PDZD2: variants seen among roughly 807,000 people sequenced by gnomAD.
The protein encoded by PDZD2 is PDZ domain containing 2.
PDZD2 carries 90 observed loss-of-function variants against 220.7 expected under a neutral mutation model. That is an observed-to-expected ratio of 0.41 (90% CI 0.34 to 0.49). The LOEUF is 0.49. Among genes scored for constraint, PDZD2 ranks in the 20% least tolerant of loss-of-function variants. The pLI, the probability that PDZD2 is intolerant of heterozygous loss-of-function variation, is 0.28. For synonymous variants in PDZD2, 1,375 were observed against 1,450.5 expected, an observed-to-expected ratio of 0.95 and a Z score of 1.18; for missense variants, 3,174 against 3,608.5, an observed-to-expected ratio of 0.88 and a Z score of 3.08.
Position 31,995,683 on chromosome 5 carries a change from T to A in PDZD2, c.1086T>A (p.Val362=). 1 of 1,614,096 alleles carries A rather than the reference T, an allele frequency of 6.2e-7. No individual in the cohort carries two copies. The highest frequency in any genetic ancestry group is 8.5e-7 in the Non-Finnish European group (1 of 1,180,026). ...CAAAGCGCTCACCTCACGCTATCGTTGTCACTCAAGTGAAGGAAGGAGGTG... is the reference window on the plus strand; with the variant it reads ...CAAAGCGCTCACCTCACGCTATCGTAGTCACTCAAGTGAAGGAAGGAGGTG... ...RGSKRSPHAI[V]VTQVKEGGAA... Residue 362 remains valine, a synonymous_variant, in exon 4 of 25, where the codon GTT becomes GTA. Coordinates refer to ENST00000438447, the MANE Select transcript of PDZD2 (RefSeq NM_178140.4).
chr5:31,673,452 G>A (rs1746290552), intron 1 of PDZD2, among the ~76,000 whole-genome samples: 1 of 152,166 alleles, frequency 6.6e-6, no homozygotes, highest in Non-Finnish European at 1.5e-5. Context: ...TGGCTCCTTG[G>A]TTTTCCCATA....
chr5:31,793,134 C>T (rs1053367920), intron 1 of PDZD2, among the ~76,000 whole-genome samples: 7 of 151,934 alleles, frequency 4.6e-5, no homozygotes, highest in Admixed American at 3.3e-4. Context: ...CACTGGGGCC[C>T]GGCCAAAGGT....
chr5:31,841,489 A>G (rs1013741519), intron 2 of PDZD2, among the ~76,000 whole-genome samples: 1 of 152,180 alleles, frequency 6.6e-6, no homozygotes, highest in African/African-American at 2.4e-5. Context: ...CCTGGCTAAC[A>G]TGGTGAAACC....
intron 7 of PDZD2, among the ~76,000 whole-genome samples, chr5:32,041,908 CAAAAAAAA>C (rs56157199): frequency 1.1e-5 from 1 of 90,948 alleles, no homozygotes; most frequent in African/African-American, 4.6e-5. Flanking sequence ...AAAAAGAAAG[CAAAAAAAA>C]AAAAAAAAAA....
rs1462857689 is a variant in PDZD2, at chr5:32,110,558, T to C, written c.*2423T>C. On this transcript the variant is annotated 3_prime_UTR_variant, in exon 25 of 25. Transcript: ENST00000438447. ...TGGTATTGTCCTACTAAAACTGTCA[T>C]TGTTTCTTTTTTTTTAACTGGTCAG... The C allele has an allele frequency of 2.0e-5, 3 of 152,658 alleles. No individual in the cohort carries two copies. Among genetic ancestry groups the C allele is most frequent in the East Asian group, 3.8e-4 (2 of 5,202 alleles). The allele number at this position is 152,658 out of a possible 1,614,324, so 9.5% of individuals were successfully genotyped here.
intron 1 of PDZD2, among the ~76,000 whole-genome samples, chr5:31,643,456 C>T (rs1266854653): frequency 6.6e-6 from 1 of 152,214 alleles, no homozygotes. Context: ...ACAGTCTCCT[C>T]TGTCCTCCAT....
chr5:31,895,283 A>G (rs1246115711), intron 2 of PDZD2, among the ~76,000 whole-genome samples: 2 of 152,188 alleles, frequency 1.3e-5, no homozygotes, highest in Non-Finnish European at 2.9e-5. Context: ...TGAGGGTATC[A>G]GGAGGTGGGG....
At chr5:31,758,907 G>C (rs953853196) in intron 1 of PDZD2, among the ~76,000 whole-genome samples, 1 of 152,016 alleles carries the variant, frequency 6.6e-6, no homozygotes, top group Non-Finnish European at 1.5e-5. Flanking sequence ...CTGCTGTTCC[G>C]CACCCGCCTC....
At chr5:31,904,133 C>T (rs1742408371) in intron 2 of PDZD2, among the ~76,000 whole-genome samples, 1 of 151,614 alleles carries the variant, frequency 6.6e-6, no homozygotes, top group South Asian at 2.1e-4. Context: ...AGCAAAATAA[C>T]CAATAAGTCT....
At chr5:32,063,295 G>A (rs1739866797) in intron 14 of PDZD2, among the ~76,000 whole-genome samples, 1 of 151,956 alleles carries the variant, frequency 6.6e-6, no homozygotes, top group African/African-American at 2.4e-5. Context: ...TCCTCCCACT[G>A]GATGATGGGA....
At chr5:31,748,345 G>C (rs1007431574) in intron 1 of PDZD2, among the ~76,000 whole-genome samples, 2 of 152,200 alleles carry the variant, frequency 1.3e-5, no homozygotes, top group African/African-American at 4.8e-5. Context: ...CAAATTATTT[G>C]TATGACTATG....
chr5:32,090,870 C>G lies in PDZD2; in HGVS notation c.7422C>G (p.Pro2474=), dbSNP rs747377725. The change falls in exon 20 of 25, where the codon CCC becomes CCG. Residue 2474 remains proline, a synonymous_variant. Coordinates refer to ENST00000438447, the MANE Select transcript of PDZD2 (RefSeq NM_178140.4). The surrounding 1 kb of genome is among the most constrained non-coding windows in gnomAD (Gnocchi z 4.3). ...AGTCCTCGGTACGCCACACGCAGCC[C>G]TCGCCCGTGTCCCGCTCCAAGCTCC... ...RNKSSVRHTQ[P]SPVSRSKLQE... The G allele has an allele frequency of 6.2e-7, 1 of 1,614,024 alleles. No individual in the cohort carries two copies. Among genetic ancestry groups the G allele is most frequent in the South Asian group, 1.1e-5 (1 of 91,080 alleles).
At chr5:31,976,487 C>A (rs17432188) in intron 2 of PDZD2, among the ~76,000 whole-genome samples, 43,847 of 151,968 alleles carry the variant, frequency 0.29, 7,108 homozygotes, top group Non-Finnish European at 0.37. Flanking sequence ...TAAACTCAGA[C>A]CCTGTCATAA....
intron 1 of PDZD2, among the ~76,000 whole-genome samples, chr5:31,697,586 C>T (rs534586803): frequency 8.0e-4 from 122 of 152,340 alleles, no homozygotes; most frequent in African/African-American, 2.8e-3. Context: ...CTCTTTTAGA[C>T]TTTCTTCTGT....
intron 18 of PDZD2, among the ~76,000 whole-genome samples, chr5:32,076,454 A>G (rs1741310196): frequency 6.6e-6 from 1 of 152,146 alleles, no homozygotes; most frequent in Admixed American, 6.5e-5. Context: ...CTTGTACAAG[A>G]CTAATTTTTC....
chr5:31,652,927 G>A lies in PDZD2; in HGVS notation c.-361+13490G>A, dbSNP rs948941681. On this transcript the variant is annotated intron_variant, in intron 1 of 24. Transcript: ENST00000438447. ...CTTGGGAGGCTGAGGTGGGAGAATC[G>A]CTTGAACCTGGGAGGCGGAGGTTTC... is the stretch of plus-strand genomic sequence containing the variant. Among the ~76,000 whole-genome samples, 8 of 152,214 alleles carry A rather than the reference G, an allele frequency of 5.3e-5. No homozygotes were observed. In the East Asian group the frequency reaches 9.7e-4, roughly 18 times the overall value.
chr5:31,641,545 A>ATTTTTTT (rs546221558), intron 1 of PDZD2, among the ~76,000 whole-genome samples: 1 of 142,638 alleles, frequency 7.0e-6, no homozygotes, highest in African/African-American at 2.9e-5. Context: ...GATGTGTGAG[A>ATTTTTTT]TATTTTTTTT....
At chr5:31,944,989 A>G (rs777454081) in intron 2 of PDZD2, among the ~76,000 whole-genome samples, 7 of 152,250 alleles carry the variant, frequency 4.6e-5, no homozygotes, top group Non-Finnish European at 1.0e-4. Context: ...AGGATTGTGT[A>G]TATGGCTTTC....
At chr5:31,684,821 C>G (rs1247532959) in intron 1 of PDZD2, among the ~76,000 whole-genome samples, 1 of 152,120 alleles carries the variant, frequency 6.6e-6, no homozygotes, top group Non-Finnish European at 1.5e-5. Context: ...TTTCCCTTGT[C>G]CTAGATCATC....
Sources: allele counts gnomAD v4.1 joint callset (sites outside exome capture counted in the v4.1 genomes callset), GRCh38; gene constraint gnomAD v4.1.1; non-coding constraint Gnocchi (gnomAD v3.1); transcripts MANE v1.5; gene names NCBI Gene and HGNC (gene_info 2026-07-23, HGNC 2026-07-21).